The following MEIS2 variants were observed in gnomAD, a reference collection of about 807,000 sequenced individuals.
The protein encoded by MEIS2 is Meis homeobox 2, also known as homeobox protein Meis2.
Under a neutral mutation model 58.6 loss-of-function variants are expected in MEIS2, and 9 were observed. The observed-to-expected ratio is 0.15, with a 90% confidence interval of 0.09 to 0.27. MEIS2 has a LOEUF of 0.27. Ranked by LOEUF, MEIS2 falls within the 10% of genes least tolerant of loss-of-function variation. MEIS2 has a pLI of 1.00. For missense variants in MEIS2, 427 were observed against 635.0 expected (o/e 0.67, Z 3.52); for synonymous variants, 221 against 228.4 (o/e 0.97, Z 0.29).
intron 9 of MEIS2, among the ~76,000 whole-genome samples, chr15:36,946,425 A>C (rs968191627): frequency 2.9e-5 from 4 of 139,310 alleles, no homozygotes; most frequent in African/African-American, 8.6e-5. Context: ...AACTGTAGAA[A>C]AAAAAAAAAA....
intron 9 of MEIS2, among the ~76,000 whole-genome samples, chr15:36,921,426 A>G (rs16964321): frequency 0.011 from 1,631 of 152,342 alleles, 27 homozygotes; most frequent in African/African-American, 0.037. Context: ...CTGATACCGT[A>G]TGCTATTTCA....
intron 9 of MEIS2, among the ~76,000 whole-genome samples, chr15:36,937,011 T>C (rs183952813): frequency 1.3e-5 from 2 of 152,352 alleles, no homozygotes; most frequent in African/African-American, 2.4e-5. Context: ...AATAACAATA[T>C]GTCAACACAA....
chr15:37,041,195 TA>T (rs1190571365), intron 7 of MEIS2, among the ~76,000 whole-genome samples: 1 of 152,194 alleles, frequency 6.6e-6, no homozygotes, highest in Non-Finnish European at 1.5e-5. Flanking sequence ...TGGCACTAGC[TA>T]AAAAATTGTG....
chr15:36,925,737 C>T (rs1193982377), intron 9 of MEIS2, among the ~76,000 whole-genome samples: 1 of 152,192 alleles, frequency 6.6e-6, no homozygotes. Context: ...CTTTGCATTT[C>T]ATCCCAAAGT....
chr15:37,097,960 A>G lies in MEIS2; in HGVS notation c.245+7T>C. On this transcript the variant is annotated splice_region_variant and intron_variant, in intron 2 of 11. Transcript: ENST00000561208. ...CACAGTAAGCTGGGTCCGGGGGGTC[A>G]GTTTACCCATAGATCGCGTCCTTGT... is the stretch of plus-strand genomic sequence containing the variant. The G allele has an allele frequency of 6.3e-7, 1 of 1,579,470 alleles. No individual in the cohort carries two copies. Among genetic ancestry groups the G allele is most frequent in the Non-Finnish European group, 8.6e-7 (1 of 1,158,140 alleles).
chr15:37,038,587 A>G (rs997021270), intron 7 of MEIS2, among the ~76,000 whole-genome samples: 2 of 152,228 alleles, frequency 1.3e-5, no homozygotes, highest in Admixed American at 6.5e-5. Flanking sequence ...CCCCAAGGCA[A>G]AGCAGCTCCC....
intron 6 of MEIS2, among the ~76,000 whole-genome samples, chr15:37,093,196 C>T (rs1002636611): frequency 3.3e-5 from 5 of 152,208 alleles, no homozygotes; most frequent in Non-Finnish European, 5.9e-5. Context: ...CTCTCCAGAC[C>T]AGTCCAGCTA....
intron 9 of MEIS2, among the ~76,000 whole-genome samples, chr15:36,942,072 A>T (rs1333212907): frequency 1.3e-5 from 2 of 152,170 alleles, no homozygotes; most frequent in Non-Finnish European, 2.9e-5. Context: ...CTAAATGTTT[A>T]CCTTGCAAAG....
chr15:36,892,092 A>G lies in MEIS2; in HGVS notation c.*81T>C. On this transcript the variant is annotated 3_prime_UTR_variant, in exon 12 of 12. Coordinates refer to ENST00000561208, the MANE Select transcript of MEIS2 (RefSeq NM_170675.5). The stretch of plus-strand genomic sequence containing the variant: ...TCACAGCTGTCTGGAATTTCATATT[A>G]AGTGTCAACATCTGGTCAAAGTTCA... 7.1e-7 allele frequency: 1 copy of G among 1,403,546 alleles called. No homozygotes were observed. Among genetic ancestry groups the G allele is most frequent in the Middle Eastern group, 1.8e-4 (1 of 5,558 alleles). 86.9% of individuals were successfully genotyped at this position (1,403,546 alleles called of 1,614,324 possible).
At chr15:37,096,192 G>A in intron 3 of MEIS2, 97 bp downstream of exon 3, 10 of 1,320,940 alleles carry the variant, frequency 7.6e-6, no homozygotes, top group Non-Finnish European at 1.0e-5. Context: ...GAACAGATAG[G>A]GTGTCCCTGG....
intron 7 of MEIS2, chr15:37,051,040 A>G (rs1427489091): frequency 3.9e-5 from 6 of 152,218 alleles, no homozygotes; most frequent in African/African-American, 1.4e-4. Context: ...CTGACAGGTT[A>G]ACCATAAAAA....
intron 7 of MEIS2, among the ~76,000 whole-genome samples, chr15:37,073,418 A>G (rs1890972093): frequency 6.6e-6 from 1 of 151,914 alleles, no homozygotes; most frequent in African/African-American, 2.4e-5. Flanking sequence ...ACAAACACAC[A>G]TCTTGGGAGA....
At chr15:36,958,670 G>C (rs933808827) in intron 8 of MEIS2, among the ~76,000 whole-genome samples, 5 of 152,032 alleles carry the variant, frequency 3.3e-5, no homozygotes, top group South Asian at 4.2e-4. Flanking sequence ...ATCTTATTTT[G>C]AATATAACAG....
At chr15:36,946,655 C>T (rs1322317833) in intron 9 of MEIS2, among the ~76,000 whole-genome samples, 2 of 151,908 alleles carry the variant, frequency 1.3e-5, no homozygotes, top group East Asian at 1.9e-4. Flanking sequence ...ACTATTTTAA[C>T]AATAGCTATC....
intron 9 of MEIS2, among the ~76,000 whole-genome samples, chr15:36,902,630 A>G (rs882396): frequency 0.014 from 2,204 of 152,360 alleles, 29 homozygotes; most frequent in East Asian, 0.084. Flanking sequence ...TTTAAGTATG[A>G]GAAGCCTTGC....
chr15:37,040,724 A>G (rs969538890), intron 7 of MEIS2, among the ~76,000 whole-genome samples: 10 of 152,226 alleles, frequency 6.6e-5, no homozygotes, highest in African/African-American at 1.4e-4. Flanking sequence ...TTAGTGAAAC[A>G]TATTGTGTGT....
At chr15:37,042,796 C>G (rs912118364) in intron 7 of MEIS2, among the ~76,000 whole-genome samples, 1 of 152,120 alleles carries the variant, frequency 6.6e-6, no homozygotes, top group Admixed American at 6.6e-5. Flanking sequence ...ATATTTGAGA[C>G]TCAGAATTTT....
intron 7 of MEIS2, among the ~76,000 whole-genome samples, chr15:37,064,361 T>C (rs1021728611): frequency 1.3e-5 from 2 of 152,046 alleles, no homozygotes; most frequent in African/African-American, 4.8e-5. Context: ...TATATTTACA[T>C]AAAAACATAT....
At chr15:37,083,956 G>T in intron 6 of MEIS2, 71 bp from the exon 7 acceptor site, 1 of 1,371,552 alleles carries the variant, frequency 7.3e-7, no homozygotes. Flanking sequence ...CAAAAGGAAC[G>T]GCACAGAAAG....
Sources: gnomAD v4.1 joint callset for allele counts (sites outside exome capture counted in the v4.1 genomes callset) on GRCh38, gnomAD v4.1.1 for gene constraint, MANE v1.5 for transcripts, NCBI Gene and HGNC (gene_info 2026-07-23, HGNC 2026-07-21) for gene names.